Variants in SAMMSON observed in about 807,000 individuals in gnomAD.
The protein encoded by SAMMSON is survival associated mitochondrial melanoma specific oncogenic non-coding RNA.
At chr3:70,402,584 A>AG (rs1701148717) in intron 2 of SAMMSON, among the ~76,000 whole-genome samples, 1 of 152,320 alleles carries the variant, frequency 6.6e-6, no homozygotes, top group Non-Finnish European at 1.5e-5. Context: ...ATCATGGGCT[A>AG]GGTGTAGTGG....
intron 6 of SAMMSON, among the ~76,000 whole-genome samples, chr3:70,289,952 T>C (rs1296778176): frequency 6.6e-6 from 1 of 152,126 alleles, no homozygotes; most frequent in African/African-American, 2.4e-5. Context: ...ATTCTAGTTA[T>C]ACATTCTTCT....
intron 1 of SAMMSON, among the ~76,000 whole-genome samples, chr3:70,008,080 G>A (rs2107575678): frequency 6.6e-6 from 1 of 152,270 alleles, no homozygotes; most frequent in African/African-American, 2.4e-5. Flanking sequence ...CAGGTAGCAT[G>A]ATGCCTCCAG....
chr3:70,078,947 A>G (rs1239173337), intron 4 of SAMMSON, among the ~76,000 whole-genome samples: 2 of 152,208 alleles, frequency 1.3e-5, no homozygotes, highest in Admixed American at 6.5e-5. Flanking sequence ...CATGGACTAA[A>G]TCTGACCCAC....
chr3:70,429,797 TTTTTTGCACATTGA>T, intron 2 of SAMMSON, among the ~76,000 whole-genome samples: 1 of 152,270 alleles, frequency 6.6e-6, no homozygotes, highest in East Asian at 1.9e-4. Context: ...TGCTTGTGAT[TTTTTTGCACATTGA>T]TTTTTGTATC....
intron 6 of SAMMSON, among the ~76,000 whole-genome samples, chr3:70,272,843 G>C (rs1206172306): frequency 6.6e-6 from 1 of 152,098 alleles, no homozygotes; most frequent in Admixed American, 6.5e-5. Flanking sequence ...GCAAGACTTT[G>C]GGAAGGAAGG....
At chr3:70,047,942 T>C (rs1373674934) in intron 3 of SAMMSON, among the ~76,000 whole-genome samples, 2 of 151,948 alleles carry the variant, frequency 1.3e-5, no homozygotes, top group East Asian at 3.9e-4. Flanking sequence ...CTAAACTCTT[T>C]CCATTGGGCA....
chr3:70,123,958 G>A (rs1417528513), intron 4 of SAMMSON, among the ~76,000 whole-genome samples: 1 of 152,232 alleles, frequency 6.6e-6, no homozygotes, highest in Admixed American at 6.5e-5. Flanking sequence ...GGAATGCAGG[G>A]AGTGAGAGCC....
At chr3:70,080,361 C>A (rs557376762) in intron 4 of SAMMSON, among the ~76,000 whole-genome samples, 1 of 152,202 alleles carries the variant, frequency 6.6e-6, no homozygotes, top group Non-Finnish European at 1.5e-5. Context: ...GCAACCCAAC[C>A]TAAGGCAAGT....
At chr3:70,343,224 A>G (rs1163704761) in intron 7 of SAMMSON, among the ~76,000 whole-genome samples, 2 of 152,142 alleles carry the variant, frequency 1.3e-5, no homozygotes, top group Non-Finnish European at 2.9e-5. Context: ...TGAACCAATA[A>G]TGGTATATTT....
At position 70,062,770 on chromosome 3, in the gene SAMMSON, T is replaced by G. The variant is rs149685678; in HGVS notation, n.418-8706T>G. 2.4e-3 allele frequency among the ~76,000 whole-genome samples: 362 copies of G among 152,204 alleles called. 2 individuals are homozygous for G. Among genetic ancestry groups the G allele is most frequent in the African/African-American group, 8.4e-3 (351 of 41,544 alleles). On this transcript the variant is annotated intron_variant and non_coding_transcript_variant, in intron 3 of 9. Transcript: ENST00000642114. ...CTGTTTCGCTCTGCCATTTCTTGCC[T>G]CCTCTGAAAGTCAGTCGTCCTCATG...
chr3:70,292,045 G>T (rs1037734321), intron 7 of SAMMSON: 2 of 152,080 alleles, frequency 1.3e-5, no homozygotes, highest in Non-Finnish European at 2.9e-5. Context: ...CCTTCAAGAA[G>T]GTAAACATGA....
At chr3:70,364,448 C>G (rs1296568656) in intron 9 of SAMMSON, among the ~76,000 whole-genome samples, 2 of 151,874 alleles carry the variant, frequency 1.3e-5, no homozygotes, top group African/African-American at 4.8e-5. Context: ...TTAAAAGTGT[C>G]AATGTGAAGA....
chr3:70,340,398 A>T (rs1224412074), intron 7 of SAMMSON, among the ~76,000 whole-genome samples: 3 of 151,136 alleles, frequency 2.0e-5, no homozygotes, highest in African/African-American at 7.3e-5. Flanking sequence ...ATATATATAT[A>T]AAAAAAGCAG....
At chr3:70,209,221 G>A (rs1239594216) in intron 4 of SAMMSON, among the ~76,000 whole-genome samples, 1 of 152,064 alleles carries the variant, frequency 6.6e-6, no homozygotes, top group Non-Finnish European at 1.5e-5. Context: ...TTGGCATGGA[G>A]AGATTGTAGG....
intron 7 of SAMMSON, among the ~76,000 whole-genome samples, chr3:70,318,977 G>A (rs1013991695): frequency 6.6e-6 from 1 of 151,954 alleles, no homozygotes; most frequent in Non-Finnish European, 1.5e-5. Flanking sequence ...CTCCTCTTTG[G>A]TTGAGCCAGA....
intron 9 of SAMMSON, among the ~76,000 whole-genome samples, chr3:70,369,650 G>T (rs1373827328): frequency 6.6e-6 from 1 of 151,430 alleles, no homozygotes; most frequent in Admixed American, 6.6e-5. Context: ...ATTAAGTATT[G>T]TGTTAGCTAC....
At chr3:70,317,907 T>G (rs1702506492) in intron 7 of SAMMSON, among the ~76,000 whole-genome samples, 1 of 151,928 alleles carries the variant, frequency 6.6e-6, no homozygotes, top group Admixed American at 6.6e-5. Flanking sequence ...GTGAAGGATA[T>G]TTATGCTGAA....
At chr3:70,403,986 A>G (rs1306690984) in intron 2 of SAMMSON, among the ~76,000 whole-genome samples, 2 of 152,174 alleles carry the variant, frequency 1.3e-5, no homozygotes, top group Admixed American at 6.5e-5. Context: ...TTCAAAATAC[A>G]AAGTCCATGT....
rs543984193 is a variant in SAMMSON at position 70,351,124 on chromosome 3, G to C, written n.740-3051G>C. On this transcript the variant is annotated intron_variant and non_coding_transcript_variant, in intron 7 of 9. Transcript: ENST00000642114. ...AAAATCATATCATTGAGACAGATTT[G>C]AATTTCACAGATAAAGAAATATTCC... 8.9e-4 allele frequency among the ~76,000 whole-genome samples: 136 copies of C among 152,112 alleles called. 1 individual carries two copies. The highest frequency in any genetic ancestry group is 3.3e-3 in the African/African-American group (135 of 41,518).
Sources: gnomAD v4.1 joint callset for allele counts (sites outside exome capture counted in the v4.1 genomes callset) on GRCh38, gnomAD v4.1.1 for gene constraint, MANE v1.5 for transcripts, NCBI Gene and HGNC (gene_info 2026-07-23, HGNC 2026-07-21) for gene names.